Variants in DGKB observed in about 807,000 individuals in gnomAD.
DGKB encodes diacylglycerol kinase beta.
In DGKB, 67 loss-of-function variants were observed where a neutral mutation model predicts 114.3. The ratio of observed to expected loss-of-function variants is 0.59; its 90% CI spans 0.48 to 0.72. The LOEUF (loss-of-function observed/expected upper bound fraction) is 0.72. Among genes scored for constraint, DGKB ranks in the 30% least tolerant of loss-of-function variants. The pLI is 0.00. For synonymous variants in DGKB, 398 were observed against 323.1 expected, an observed-to-expected ratio of 1.23 and a Z score of -2.49; for missense variants, 907 against 975.2, an observed-to-expected ratio of 0.93 and a Z score of 0.93.
At chr7:14,551,670 A>C (rs1288643993) in intron 20 of DGKB, among the ~76,000 whole-genome samples, 5 of 152,162 alleles carry the variant, frequency 3.3e-5, no homozygotes, top group Non-Finnish European at 7.4e-5. Flanking sequence ...CATGGATATA[A>C]TACAAGAGCT....
rs186972475 is a variant in DGKB, at chr7:14,757,736, A to T, written c.71-5T>A. The T allele has an allele frequency of 6.4e-7, 1 of 1,566,724 alleles. No individual in the cohort carries two copies. Among genetic ancestry groups the T allele is most frequent in the East Asian group, 2.3e-5 (1 of 44,414 alleles). On this transcript the variant is annotated splice_polypyrimidine_tract_variant and splice_region_variant and intron_variant, in intron 2 of 25. Coordinates refer to ENST00000402815, the MANE Select transcript of DGKB (RefSeq NM_001350709.2). ...CCTTTAATTTCTTTGTAGAATCTAT[A>T]AAAAACAGAAAACACAAAAATTGTT...
rs536485305 is a variant in DGKB, at chr7:14,925,206, C to T, written c.-188+49490G>A. 2.6e-5 allele frequency among the ~76,000 whole-genome samples: 4 copies of T among 152,210 alleles called. No homozygotes were observed. The South Asian group carries it at 8.3e-4, about 32-fold the overall frequency. ...ATACCTAAGTTTTTTCCAGTTTTTG[C>T]CTATTACAAAGAAAGCTACTGTGAC... On this transcript the variant is annotated intron_variant, in intron 1 of 4. Coordinates refer to the DGKB transcript ENST00000437998.
At chr7:14,647,558 G>T (rs182090624) in intron 13 of DGKB, among the ~76,000 whole-genome samples, 1 of 152,288 alleles carries the variant, frequency 6.6e-6, no homozygotes, top group Non-Finnish European at 1.5e-5. Context: ...TATCCCTGAT[G>T]AATATGGGTG....
In DGKB at chr7:14,217,618, A is replaced by G. The variant is rs190442021; in HGVS notation, c.2123-39467T>C. Among the ~76,000 whole-genome samples the G allele has an allele frequency of 1.3e-3, 204 of 152,202 alleles. 1 individual carries two copies. The highest frequency in any genetic ancestry group is 4.4e-4 in the Non-Finnish European group (30 of 68,010). ...GAAATTAAAAAAAAAACTAGAACGTACATGAGAAGGAGAAGAACAGGCCTC... is the reference window on the plus strand; with the variant it reads ...GAAATTAAAAAAAAAACTAGAACGTGCATGAGAAGGAGAAGAACAGGCCTC... On this transcript the variant is annotated intron_variant, in intron 23 of 25. Transcript: ENST00000402815.
chr7:14,427,655 A>G (rs1827780469), intron 21 of DGKB, among the ~76,000 whole-genome samples: 1 of 152,144 alleles, frequency 6.6e-6, no homozygotes, highest in Non-Finnish European at 1.5e-5. Context: ...CAGAAGGTGA[A>G]AGGCACATCT....
chr7:14,703,358 G>A (rs1456321675), intron 6 of DGKB, among the ~76,000 whole-genome samples: 1 of 152,158 alleles, frequency 6.6e-6, no homozygotes, highest in African/African-American at 2.4e-5. Context: ...ACCTTAATGG[G>A]AACATGAACT....
At chr7:14,884,595 G>A (rs1046857597) in intron 1 of DGKB, among the ~76,000 whole-genome samples, 1 of 151,856 alleles carries the variant, frequency 6.6e-6, no homozygotes, top group Non-Finnish European at 1.5e-5. Flanking sequence ...TCTGCTCCTT[G>A]AGCACATTTT....
intron 1 of DGKB, among the ~76,000 whole-genome samples, chr7:14,953,866 G>C (rs1049192550): frequency 6.6e-6 from 1 of 152,104 alleles, no homozygotes; most frequent in African/African-American, 2.4e-5. Flanking sequence ...AAGTGTTTAT[G>C]AGAGCACCAC....
intron 12 of DGKB, among the ~76,000 whole-genome samples, chr7:14,680,079 G>A (rs1356140368): frequency 1.3e-5 from 2 of 151,852 alleles, no homozygotes; most frequent in Non-Finnish European, 2.9e-5. Flanking sequence ...TAGAAAATAA[G>A]GCTGAGGATG....
chr7:14,801,913 CATATATACATAT>C, intron 2 of DGKB, among the ~76,000 whole-genome samples: 1 of 127,130 alleles, frequency 7.9e-6, no homozygotes, highest in African/African-American at 4.0e-5. Flanking sequence ...CATATACACA[CATATATACATAT>C]ACACACACAC....
intron 1 of DGKB, among the ~76,000 whole-genome samples, chr7:14,974,270 C>A (rs140322273): frequency 3.8e-4 from 58 of 152,080 alleles, no homozygotes; most frequent in African/African-American, 1.3e-3. Context: ...TAACACACTG[C>A]GTTTATTTTC....
chr7:14,272,580 T>C (rs1798417703), intron 23 of DGKB, among the ~76,000 whole-genome samples: 1 of 152,210 alleles, frequency 6.6e-6, no homozygotes, highest in African/African-American at 2.4e-5. Flanking sequence ...GTTATCTTTA[T>C]CTGCCATACT....
chr7:14,296,222 G>A (rs912565880), intron 23 of DGKB, among the ~76,000 whole-genome samples: 1 of 151,584 alleles, frequency 6.6e-6, no homozygotes, highest in Non-Finnish European at 1.5e-5. Context: ...AATAGAGACG[G>A]GGTTTCACCA....
rs534202699 is a variant in DGKB, at chr7:14,382,267, G to A, written c.1836-36876C>T. ...GTAATCAGTAGAGCCCAGCCCTTGT[G>A]CACAGATATACAAACAGTGGCAATT... On this transcript the variant is annotated intron_variant, in intron 21 of 25. Coordinates refer to ENST00000402815, the MANE Select transcript of DGKB (RefSeq NM_001350709.2). 1.9e-4 allele frequency among the ~76,000 whole-genome samples: 29 copies of A among 151,744 alleles called. No individual in the cohort carries two copies. The East Asian group carries it at 5.4e-3, about 28-fold the overall frequency.
At chr7:14,894,352 C>T (rs1376183868) in intron 1 of DGKB, among the ~76,000 whole-genome samples, 7 of 151,324 alleles carry the variant, frequency 4.6e-5, no homozygotes, top group African/African-American at 1.7e-4. Context: ...TATTAGAGAA[C>T]CAGAGAGGAT....
chr7:14,876,241 TA>T (rs1315603549), intron 1 of DGKB, among the ~76,000 whole-genome samples: 1 of 152,102 alleles, frequency 6.6e-6, no homozygotes, highest in Non-Finnish European at 1.5e-5. Flanking sequence ...CTACCCCTTT[TA>T]AAAAAATTTC....
intron 13 of DGKB, among the ~76,000 whole-genome samples, chr7:14,638,505 A>T (rs1811158921): frequency 2.0e-5 from 3 of 152,212 alleles, no homozygotes; most frequent in Middle Eastern, 6.8e-3. Flanking sequence ...AATGATGGGA[A>T]TTTTCAAAAG....
chr7:14,250,576 G>A (rs536052503), intron 23 of DGKB, among the ~76,000 whole-genome samples: 1 of 152,106 alleles, frequency 6.6e-6, no homozygotes, highest in South Asian at 2.1e-4. Flanking sequence ...TATATATTCT[G>A]GAGAATATTC....
Position 14,149,183 on chromosome 7 carries a change from G to A in DGKB, c.2360C>T (p.Thr787Ile). The A allele has an allele frequency of 3.7e-6, 6 of 1,613,470 alleles. No homozygotes were observed. The highest frequency in any genetic ancestry group is 5.1e-6 in the Non-Finnish European group (6 of 1,179,584). The change falls in exon 26 of 26, where the codon ACC becomes ATC. Residue 787 changes from threonine to isoleucine, a missense_variant. Thr to Ile is a moderately conservative substitution (Grantham distance 89). Coordinates refer to ENST00000402815, the MANE Select transcript of DGKB (RefSeq NM_001350709.2). The part of the protein sequence containing the change: ...APMLMGPPPK[T>I]GLFCSLVKRT... ...TTTGACGAGGGAGCAGAATAAACCG[G>A]TTTTTGGAGGCGGGCCCATCAGCAT...
Sources: allele counts gnomAD v4.1 joint callset (sites outside exome capture counted in the v4.1 genomes callset), GRCh38; gene constraint gnomAD v4.1.1; transcripts MANE v1.5; gene names NCBI Gene and HGNC (gene_info 2026-07-23, HGNC 2026-07-21).